Variants in PLPPR1 observed in about 807,000 individuals in gnomAD.
PLPPR1 encodes the protein phospholipid phosphatase related 1.
In PLPPR1, 10 loss-of-function variants were observed where a neutral mutation model predicts 33.1. The observed-to-expected ratio is 0.30, with a 90% CI of 0.19 to 0.51. The LOEUF is 0.51. PLPPR1 is among the 20% of genes least tolerant of loss of function. The pLI, the probability that PLPPR1 is intolerant of heterozygous loss-of-function variation, is 0.97. For synonymous variants in PLPPR1, 151 were observed against 151.0 expected (o/e 1.00, Z 0.00); for missense variants, 304 against 408.1 (o/e 0.74, Z 2.20).
At chr9:101,288,378 A>G (rs1828431187) in intron 4 of PLPPR1, among the ~76,000 whole-genome samples, 1 of 152,120 alleles carries the variant, frequency 6.6e-6, no homozygotes, top group Non-Finnish European at 1.5e-5. Context: ...GCTAATAGAG[A>G]TCTGGACCTT....
At chr9:101,124,917 C>A (rs1359702542) in intron 1 of PLPPR1, among the ~76,000 whole-genome samples, 1 of 152,230 alleles carries the variant, frequency 6.6e-6, no homozygotes, top group African/African-American at 2.4e-5. Context: ...ACCAATGCAT[C>A]CACCCCTTGA....
At chr9:101,321,040 C>T (rs530654922) in intron 7 of PLPPR1, among the ~76,000 whole-genome samples, 2 of 152,166 alleles carry the variant, frequency 1.3e-5, no homozygotes, top group Non-Finnish European at 2.9e-5. Context: ...AAAGTAAATA[C>T]CCCCCTGTGA....
At chr9:101,218,727 C>CT (rs1826858281) in intron 2 of PLPPR1, among the ~76,000 whole-genome samples, 1 of 152,152 alleles carries the variant, frequency 6.6e-6, no homozygotes. Context: ...AAAGAAACTT[C>CT]TAACAGCTGT....
chr9:101,132,069 A>G (rs1564153592), intron 1 of PLPPR1, among the ~76,000 whole-genome samples: 1 of 152,204 alleles, frequency 6.6e-6, no homozygotes, highest in South Asian at 2.1e-4. Flanking sequence ...CCATAACTAC[A>G]TTTGTCTTAG....
At chr9:101,249,684 G>A (rs1046253208) in intron 2 of PLPPR1, among the ~76,000 whole-genome samples, 2 of 152,060 alleles carry the variant, frequency 1.3e-5, no homozygotes, top group Admixed American at 1.3e-4. Context: ...TCTAATGTGT[G>A]TCATTGTCTG....
At chr9:101,292,356 G>A (rs1828527569) in intron 4 of PLPPR1, among the ~76,000 whole-genome samples, 1 of 152,122 alleles carries the variant, frequency 6.6e-6, no homozygotes, top group Non-Finnish European at 1.5e-5. Flanking sequence ...AACCAAGTTG[G>A]AAAACACTCT....
At chr9:101,087,040 A>G (rs1830686139) in intron 1 of PLPPR1, among the ~76,000 whole-genome samples, 1 of 152,058 alleles carries the variant, frequency 6.6e-6, no homozygotes, top group Admixed American at 6.6e-5. Flanking sequence ...TTAGCTAGGC[A>G]TGGTGATGTA....
At chr9:101,123,688 T>C (rs1385909752) in intron 1 of PLPPR1, among the ~76,000 whole-genome samples, 2 of 152,180 alleles carry the variant, frequency 1.3e-5, no homozygotes, top group Non-Finnish European at 2.9e-5. Flanking sequence ...TGGCTTAGCA[T>C]TTGCTCTGCT....
intron 1 of PLPPR1, among the ~76,000 whole-genome samples, chr9:101,106,207 C>A (rs61801279): frequency 4.1e-5 from 6 of 147,984 alleles, no homozygotes; most frequent in African/African-American, 7.7e-5. Context: ...TTAGCTGGTG[C>A]TTTTGCTCGT....
chr9:101,251,248 T>G lies in PLPPR1; in HGVS notation c.64-18632T>G, dbSNP rs542384766. Among the ~76,000 whole-genome samples the G allele has an allele frequency of 6.1e-4, 93 of 152,226 alleles. No individual in the cohort carries two copies. The South Asian group carries it at 0.015, about 25-fold the overall frequency. ...TCTCTACTGCCTGGCATATAGTAGG[T>G]GCTCAGCAAAAGTTTAGTGAATGAA... On this transcript the variant is annotated intron_variant, in intron 2 of 7. Coordinates refer to ENST00000374874, the MANE Select transcript of PLPPR1 (RefSeq NM_207299.2).
At chr9:101,093,484 C>T (rs559790892) in intron 1 of PLPPR1, among the ~76,000 whole-genome samples, 6 of 152,316 alleles carry the variant, frequency 3.9e-5, no homozygotes, top group African/African-American at 9.6e-5. Context: ...GGAGCTATAA[C>T]AGAGCTTAGA....
intron 2 of PLPPR1, among the ~76,000 whole-genome samples, chr9:101,213,768 C>T (rs750426588): frequency 6.6e-6 from 1 of 152,084 alleles, no homozygotes; most frequent in African/African-American, 2.4e-5. Context: ...GGAAAATACA[C>T]TGTGAAAAAA....
In PLPPR1 at chr9:101,213,936, T is replaced by G. The variant is rs411448; in HGVS notation, c.63+28379T>G. ...TTGTATCCCTTAATGCAAACTTCTA[T>G]GACTCCTTATATTCATAGAAAGAAC... On this transcript the variant is annotated intron_variant, in intron 2 of 7. Transcript: ENST00000374874. 3.2e-4 allele frequency among the ~76,000 whole-genome samples: 49 copies of G among 152,172 alleles called. 2 individuals carry two copies. The highest frequency in any genetic ancestry group is 3.1e-3 in the South Asian group (15 of 4,818).
chr9:101,174,874 C>G (rs551727409), intron 1 of PLPPR1, among the ~76,000 whole-genome samples: 1 of 152,198 alleles, frequency 6.6e-6, no homozygotes, highest in African/African-American at 2.4e-5. Flanking sequence ...ACATCAGTGA[C>G]TGTCAATATT....
chr9:101,113,528 C>T (rs1293218547), intron 1 of PLPPR1, among the ~76,000 whole-genome samples: 1 of 151,878 alleles, frequency 6.6e-6, no homozygotes, highest in Non-Finnish European at 1.5e-5. Flanking sequence ...GTACCCAGGG[C>T]ACTACAATTA....
chr9:101,140,878 A>G (rs1831442747), intron 1 of PLPPR1, among the ~76,000 whole-genome samples: 1 of 152,180 alleles, frequency 6.6e-6, no homozygotes, highest in Non-Finnish European at 1.5e-5. Flanking sequence ...GGCAATAGCA[A>G]GATGCAAGGC....
chr9:101,066,259 A>G (rs1164297658), intron 1 of PLPPR1, among the ~76,000 whole-genome samples: 1 of 152,064 alleles, frequency 6.6e-6, no homozygotes, highest in East Asian at 1.9e-4. Flanking sequence ...TGTTCTACCC[A>G]TGTCTCATAT....
chr9:101,064,915 A>C (rs1830392593), intron 1 of PLPPR1, among the ~76,000 whole-genome samples: 1 of 151,944 alleles, frequency 6.6e-6, no homozygotes, highest in Admixed American at 6.6e-5. Context: ...TTCTCATGAT[A>C]ATTGATTAAT....
chr9:101,294,891 C>T (rs1828592072), intron 4 of PLPPR1, among the ~76,000 whole-genome samples: 1 of 152,150 alleles, frequency 6.6e-6, no homozygotes, highest in African/African-American at 2.4e-5. Context: ...AAAACTGGCA[C>T]AAGACAGGGA....
Sources: gnomAD v4.1 joint callset for allele counts (sites outside exome capture counted in the v4.1 genomes callset) on GRCh38, gnomAD v4.1.1 for gene constraint, MANE v1.5 for transcripts, NCBI Gene and HGNC (gene_info 2026-07-23, HGNC 2026-07-21) for gene names.